SAMMSON: variants seen among roughly 807,000 people sequenced by gnomAD.
SAMMSON encodes the protein long intergenic non-protein coding RNA 1212.
intron 6 of SAMMSON, among the ~76,000 whole-genome samples, chr3:70,280,948 C>A (rs1189378373): frequency 6.6e-6 from 1 of 152,092 alleles, no homozygotes; most frequent in East Asian, 1.9e-4. Flanking sequence ...CATATCATAC[C>A]CTTTTTGTGT....
chr3:70,053,184 C>T (rs1044631707), intron 3 of SAMMSON, among the ~76,000 whole-genome samples: 1 of 152,090 alleles, frequency 6.6e-6, no homozygotes, highest in Non-Finnish European at 1.5e-5. Context: ...TTCTTCTTTA[C>T]AGGGAGAAAT....
intron 3 of SAMMSON, chr3:70,069,825 C>T (rs965877019): frequency 6.6e-6 from 1 of 152,080 alleles, no homozygotes; most frequent in East Asian, 1.9e-4. Context: ...CTCTTGACAA[C>T]TAAACTTTAC....
At chr3:70,369,977 C>T (rs1314778069) in intron 9 of SAMMSON, among the ~76,000 whole-genome samples, 1 of 151,796 alleles carries the variant, frequency 6.6e-6, no homozygotes, top group African/African-American at 2.4e-5. Context: ...CTTTCATTCC[C>T]ACAACTTTCC....
At chr3:70,106,030 A>G (rs1311421589) in intron 4 of SAMMSON, among the ~76,000 whole-genome samples, 6 of 152,196 alleles carry the variant, frequency 3.9e-5, no homozygotes, top group African/African-American at 4.8e-5. Context: ...TGGAAGTCTG[A>G]GGGCAAAATG....
chr3:70,194,064 C>T (rs1040398174), intron 4 of SAMMSON, among the ~76,000 whole-genome samples: 4 of 152,280 alleles, frequency 2.6e-5, no homozygotes, highest in East Asian at 1.9e-4. Flanking sequence ...AACGTAACTT[C>T]GTATCTTCAT....
intron 3 of SAMMSON, among the ~76,000 whole-genome samples, chr3:70,034,481 C>T (rs2107584680): frequency 6.6e-6 from 1 of 152,232 alleles, no homozygotes; most frequent in East Asian, 1.9e-4. Flanking sequence ...AGTATATATA[C>T]CCTCCAGCAG....
downstream of SAMMSON, among the ~76,000 whole-genome samples, chr3:70,392,934 C>A (rs1308774337): frequency 6.6e-6 from 1 of 151,970 alleles, no homozygotes. Flanking sequence ...AGTTTTGGAG[C>A]CAGGCAGATT....
At chr3:70,141,824 G>A (rs146196148) in intron 4 of SAMMSON, among the ~76,000 whole-genome samples, 6 of 152,208 alleles carry the variant, frequency 3.9e-5, no homozygotes. Flanking sequence ...AAAGAATAGA[G>A]CCAGGACACA....
intron 6 of SAMMSON, among the ~76,000 whole-genome samples, chr3:70,267,394 C>CTTTTTT (rs9310185): frequency 1.3e-5 from 1 of 74,844 alleles, no homozygotes; most frequent in Non-Finnish European, 2.3e-5. Flanking sequence ...TTTTTAATAG[C>CTTTTTT]TTTTTTTTTT....
intron 8 of SAMMSON, among the ~76,000 whole-genome samples, chr3:70,355,590 T>C (rs963896387): frequency 2.6e-4 from 39 of 150,976 alleles, no homozygotes; most frequent in African/African-American, 9.3e-4. Context: ...GAACCAAAAA[T>C]GGAAAGAAAG....
At chr3:70,197,471 G>A (rs1701193731) in intron 4 of SAMMSON, among the ~76,000 whole-genome samples, 1 of 152,122 alleles carries the variant, frequency 6.6e-6, no homozygotes, top group East Asian at 1.9e-4. Flanking sequence ...TACTTTGCCT[G>A]CAAGGCTCTG....
intron 9 of SAMMSON, among the ~76,000 whole-genome samples, chr3:70,363,345 A>G (rs1243216828): frequency 2.6e-5 from 4 of 152,086 alleles, no homozygotes; most frequent in Non-Finnish European, 5.9e-5. Context: ...AGGAAAGAGA[A>G]AGAAAGAAGA....
intron 4 of SAMMSON, among the ~76,000 whole-genome samples, chr3:70,218,341 A>T (rs1418671564): frequency 6.6e-6 from 1 of 152,120 alleles, no homozygotes; most frequent in East Asian, 1.9e-4. Context: ...ATGTATATAG[A>T]TGCATATAGG....
intron 9 of SAMMSON, among the ~76,000 whole-genome samples, chr3:70,369,610 T>A (rs1056424357): frequency 1.3e-5 from 2 of 151,656 alleles, no homozygotes; most frequent in African/African-American, 4.8e-5. Context: ...CTGTTCCTGA[T>A]CTTAGGGGAA....
intron 4 of SAMMSON, among the ~76,000 whole-genome samples, chr3:70,135,792 A>G (rs1171011585): frequency 6.6e-6 from 1 of 152,200 alleles, no homozygotes. Context: ...TTATGTATAT[A>G]CTTTGTCAAG....
rs143287283 is a variant in SAMMSON, at chr3:70,136,302, A to T, written n.507+64737A>T. 2.6e-3 allele frequency among the ~76,000 whole-genome samples: 391 copies of T among 152,334 alleles called. 5 individuals carry two copies. The highest frequency in any genetic ancestry group is 8.7e-3 in the African/African-American group (363 of 41,588). On this transcript the variant is annotated intron_variant and non_coding_transcript_variant, in intron 4 of 9. Transcript: ENST00000642114. ...CTCCCAAGTCTAGACTATGAAAGGC[A>T]TTATAGCTTTCTTCTACCTTCCTCT...
At chr3:70,315,652 C>G (rs761262701) in intron 7 of SAMMSON, among the ~76,000 whole-genome samples, 1 of 152,062 alleles carries the variant, frequency 6.6e-6, no homozygotes, top group Non-Finnish European at 1.5e-5. Context: ...AAATTGTCAT[C>G]TGGGTAATGG....
At chr3:70,155,541 A>C (rs1332656193) in intron 4 of SAMMSON, among the ~76,000 whole-genome samples, 1 of 152,084 alleles carries the variant, frequency 6.6e-6, no homozygotes, top group Non-Finnish European at 1.5e-5. Flanking sequence ...TCTTAATAAG[A>C]TGAAGAATTT....
intron 2 of SAMMSON, among the ~76,000 whole-genome samples, chr3:70,433,414 G>A (rs1701431908): frequency 6.6e-6 from 1 of 152,090 alleles, no homozygotes; most frequent in Admixed American, 6.6e-5. Flanking sequence ...ATTCAATGGT[G>A]AGTAATATTT....
Sources: gnomAD v4.1 joint callset for allele counts (sites outside exome capture counted in the v4.1 genomes callset) on GRCh38, gnomAD v4.1.1 for gene constraint, MANE v1.5 for transcripts, NCBI Gene and HGNC (gene_info 2026-07-23, HGNC 2026-07-21) for gene names.